DMKN: variants seen among roughly 807,000 people sequenced by gnomAD.
The protein encoded by DMKN is epidermis-specific secreted protein SK30/SK89.
A neutral mutation model predicts 67.6 loss-of-function variants in DMKN; 58 were observed. The ratio of observed to expected loss-of-function variants is 0.86; its 90% CI spans 0.69 to 1.07. DMKN has a LOEUF of 1.07. DMKN is among the 50% of genes least tolerant of loss of function. The probability of loss-of-function intolerance (pLI) is 0.00; values close to 1 mark genes in which losing one functional copy is unlikely to be tolerated. For missense variants in DMKN, 596 were observed against 601.5 expected (o/e 0.99, Z 0.10); for synonymous variants, 240 against 232.3 (o/e 1.03, Z -0.30).
At chr19:35,507,268 A>G (rs2069742600) in intron 7 of DMKN, 3 of 527,316 alleles carry the variant, frequency 5.7e-6, no homozygotes, top group Admixed American at 6.5e-5. Context: ...ATCAAAAGGA[A>G]GGAAGGAATG....
intron 9 of DMKN, among the ~76,000 whole-genome samples, chr19:35,505,262 G>T (rs569289874): frequency 1.3e-5 from 2 of 152,250 alleles, no homozygotes; most frequent in East Asian, 3.9e-4. Flanking sequence ...CTGCGCCCCA[G>T]CTGTGTTTTT....
At chr19:35,505,661 G>T in intron 9 of DMKN, 57 bp downstream of exon 9, 1 of 1,607,980 alleles carries the variant, frequency 6.2e-7, no homozygotes, top group Non-Finnish European at 8.5e-7. Flanking sequence ...AGCTCACAGA[G>T]CGGAGGTTTA....
At position 35,513,541 on chromosome 19, in the gene DMKN, T is replaced by C; in HGVS notation, c.-66A>G. On this transcript the variant is annotated 5_prime_UTR_variant, in exon 1 of 16. Transcript: ENST00000339686. The stretch of plus-strand genomic sequence containing the variant: ...ACCAGGGTCTCCTCCTTGCCGCCCT[T>C]GCTCTGCGTCTCTGTGCCCTCCTCT... 1 of 1,528,550 alleles carries C rather than the reference T, an allele frequency of 6.5e-7. No homozygotes were observed. The allele number at this position is 1,528,550 out of a possible 1,614,324, so 94.7% of individuals were successfully genotyped here.
At chr19:35,511,862 G>A (rs758820765) in intron 3 of DMKN, 49 bp from the exon 4 acceptor site, 9 of 1,576,222 alleles carry the variant, frequency 5.7e-6, no homozygotes, top group South Asian at 4.7e-5. Context: ...GTTTGGAGAC[G>A]TTGGCCTCGG....
At position 35,506,621 on chromosome 19, in the gene DMKN, A is replaced by G. The variant is rs73043072; in HGVS notation, c.1039-635T>C. The G allele has an allele frequency of 9.3e-3, 4,279 of 458,222 alleles. 42 individuals carry two copies. The highest frequency in any genetic ancestry group is 0.035 in the Admixed American group (1,470 of 42,566). The allele number at this position is 458,222 out of a possible 1,614,324, so 28.4% of individuals were successfully genotyped here. A position where few individuals can be genotyped will look rare whatever the true frequency, so the allele number is the denominator to read the frequency against. ...GCGTGAGTCAGGTTTCACTGTCCTCATTTTACTGGAGGAAGCTCAGGCTCG... is the reference window on the plus strand; with the variant it reads ...GCGTGAGTCAGGTTTCACTGTCCTCGTTTTACTGGAGGAAGCTCAGGCTCG... On this transcript the variant is annotated intron_variant, in intron 7 of 15. Transcript: ENST00000339686.
intron 3 of DMKN, 34 bp from the exon 4 acceptor site, chr19:35,511,847 G>C (rs376456725): frequency 1.9e-6 from 3 of 1,599,990 alleles, no homozygotes; most frequent in South Asian, 2.3e-5. Context: ...GTTTGGGGAC[G>C]GTGAGTTTGG....
Position 35,511,711 on chromosome 19 carries a change from C to A in DMKN, c.735+52G>T, listed in dbSNP as rs946620357. 8 of 1,598,642 alleles carry A rather than the reference C, an allele frequency of 5.0e-6. No homozygotes were observed. In the Admixed American group the frequency reaches 1.4e-4, roughly 27 times the overall value. ...GATGCCCAGTCTAAGGGGAGCAGAA[C>A]TTCTCCATTTCCTCCTGGTGCACAA... On this transcript the variant is annotated intron_variant, in intron 4 of 15. Transcript: ENST00000339686.
chr19:35,512,243 G>A (rs948918048), intron 3 of DMKN, among the ~76,000 whole-genome samples, 178 bp downstream of exon 3: 18 of 151,826 alleles, frequency 1.2e-4, no homozygotes, highest in African/African-American at 2.2e-4. Flanking sequence ...GGTGATCCAC[G>A]TGCCTTGGCC....
chr19:35,510,371 C>G, intron 5 of DMKN, 119 bp from the exon 6 acceptor site: 1 of 1,552,448 alleles, frequency 6.4e-7, no homozygotes, highest in Non-Finnish European at 8.7e-7. Flanking sequence ...TCTTTCCAAC[C>G]TCCAGACCTT....
intron 7 of DMKN, chr19:35,507,920 A>G (rs1276764714): frequency 2.2e-6 from 1 of 463,688 alleles, no homozygotes; most frequent in African/African-American, 2.0e-5. Context: ...GCTGATTGGC[A>G]TTAGTAAAAA....
At chr19:35,502,581 G>A (rs1169846945) in intron 10 of DMKN, among the ~76,000 whole-genome samples, 3 of 152,052 alleles carry the variant, frequency 2.0e-5, no homozygotes, top group Admixed American at 6.6e-5. Context: ...GCAGGCGCCT[G>A]TAGTCCCAGC....
intron 5 of DMKN, among the ~76,000 whole-genome samples, chr19:35,510,927 T>C (rs1169220042): frequency 6.6e-6 from 1 of 152,160 alleles, no homozygotes; most frequent in Non-Finnish European, 1.5e-5. Flanking sequence ...CGCCCCTTCC[T>C]GCCCTCACAC....
intron 7 of DMKN, chr19:35,508,365 C>A: frequency 9.0e-7 from 1 of 1,111,234 alleles, no homozygotes. Flanking sequence ...TGGAACTGGT[C>A]CAAACACTGA....
intron 7 of DMKN, chr19:35,507,837 C>A (rs1437218622): frequency 2.1e-5 from 9 of 438,600 alleles, no homozygotes; most frequent in Non-Finnish European, 1.6e-5. Context: ...CATCCGAATT[C>A]TCCCCTGGCT....
At chr19:35,501,896 A>G (rs943970624) in intron 11 of DMKN, 3 of 1,579,490 alleles carry the variant, frequency 1.9e-6, no homozygotes, top group Non-Finnish European at 2.6e-6. Context: ...GGCCGGCTTC[A>G]TGTTCATGTG....
At chr19:35,511,297 G>A (rs1205069145) in intron 5 of DMKN, 114 bp downstream of exon 5, 5 of 1,552,472 alleles carry the variant, frequency 3.2e-6, no homozygotes, top group South Asian at 1.2e-5. Context: ...GACTATCAGC[G>A]AGGCCGCCCA....
Position 35,502,196 on chromosome 19 carries a change from G to T in DMKN, c.1192-13C>A. 2 of 1,614,122 alleles carry T rather than the reference G, an allele frequency of 1.2e-6. No individual in the cohort carries two copies. The highest frequency in any genetic ancestry group is 1.7e-6 in the Non-Finnish European group (2 of 1,180,050). Reference sequence around the variant, plus strand: ...TCTGTTTGAAATCCTGCAGGGAGAAGGAGGGCAGAGTGGGCCGGGGAGGCA... The same window carrying T: ...TCTGTTTGAAATCCTGCAGGGAGAATGAGGGCAGAGTGGGCCGGGGAGGCA... On this transcript the variant is annotated splice_polypyrimidine_tract_variant and intron_variant, in intron 10 of 15. Transcript: ENST00000339686.
intron 10 of DMKN, among the ~76,000 whole-genome samples, 159 bp downstream of exon 10, chr19:35,502,671 C>G (rs572452183): frequency 1.3e-5 from 2 of 151,758 alleles, no homozygotes; most frequent in East Asian, 3.9e-4. Flanking sequence ...TGCCACTGTA[C>G]TTCAGCCTGG....
At chr19:35,510,148 C>T in intron 6 of DMKN, 36 bp downstream of exon 6, 1 of 1,584,722 alleles carries the variant, frequency 6.3e-7, no homozygotes, top group Non-Finnish European at 8.6e-7. Flanking sequence ...CCTTTTCCTT[C>T]CCGCGGTTGG....
Sources: allele counts gnomAD v4.1 joint callset (sites outside exome capture counted in the v4.1 genomes callset), GRCh38; gene constraint gnomAD v4.1.1; transcripts MANE v1.5; gene names NCBI Gene and HGNC (gene_info 2026-07-23, HGNC 2026-07-21).